Variants in AVEN observed in about 807,000 individuals in gnomAD.
AVEN encodes the protein apoptosis and caspase activation inhibitor.
A neutral mutation model predicts 38.1 loss-of-function variants in AVEN; 41 were observed. The ratio of observed to expected loss-of-function variants is 1.08; its 90% CI spans 0.84 to 1.40. AVEN has a LOEUF of 1.40. Ranked by LOEUF, AVEN falls within the 40% of genes most tolerant of loss-of-function variation. The pLI is 0.00. For synonymous variants in AVEN, 206 were observed against 171.8 expected (o/e 1.20, Z -1.56); for missense variants, 605 against 438.8 (o/e 1.38, Z -3.38).
At chr15:34,062,839 G>T in intron 5 of AVEN, 1 of 1,614,226 alleles carries the variant, frequency 6.2e-7, no homozygotes, top group Non-Finnish European at 8.5e-7. Context: ...GCTGTGGTAA[G>T]CCTGATCACC....
At chr15:33,853,664 C>T in the AVEN span, 18 of 1,613,642 alleles carry the variant, frequency 1.1e-5, no homozygotes, top group South Asian at 3.3e-5. Flanking sequence ...AAAGCAGAAG[C>T]GGCTTCTCTG....
At chr15:33,931,659 G>A (rs1161331997) in intron 2 of AVEN, among the ~76,000 whole-genome samples, 7 of 152,070 alleles carry the variant, frequency 4.6e-5, no homozygotes, top group Non-Finnish European at 7.4e-5. Flanking sequence ...GTGAGCCACC[G>A]CGCCCGGCCT....
rs1377087382 is a variant in AVEN at position 33,908,344 on chromosome 15, G to A, written c.446-32349C>T. On this transcript the variant is annotated intron_variant, in intron 2 of 5. Coordinates refer to ENST00000306730, the MANE Select transcript of AVEN (RefSeq NM_020371.3). ...AAGCCATCACCTTTGTGTTATGACA[G>A]TTTTCTTCCTTACTACAAGCATTAT... 6.5e-5 allele frequency among the ~76,000 whole-genome samples: 3 copies of A among 46,444 alleles called. 1 individual carries two copies. In the East Asian group the frequency reaches 2.3e-3, roughly 36 times the overall value. 30.5% of individuals were successfully genotyped at this position (46,444 alleles called of 152,430 possible).
At chr15:33,940,937 T>G (rs144763558) in intron 2 of AVEN, among the ~76,000 whole-genome samples, 194 of 152,338 alleles carry the variant, frequency 1.3e-3, no homozygotes, top group Admixed American at 2.3e-3. Context: ...TTGCTCTAAA[T>G]GCTTCCTAAT....
At chr15:33,968,358 TATC>T (rs1280385971) in intron 2 of AVEN, among the ~76,000 whole-genome samples, 4 of 152,046 alleles carry the variant, frequency 2.6e-5, no homozygotes, top group African/African-American at 2.4e-5. Context: ...TCAAAACGAA[TATC>T]ATCATCTGCT....
chr15:33,966,788 T>C (rs778305810), intron 2 of AVEN, among the ~76,000 whole-genome samples: 4 of 152,164 alleles, frequency 2.6e-5, no homozygotes, highest in Non-Finnish European at 4.4e-5. Context: ...GACAGCCAAA[T>C]GTTATGCTTT....
intron 2 of AVEN, among the ~76,000 whole-genome samples, chr15:33,990,381 GA>G (rs907528236): frequency 1.2e-3 from 176 of 147,028 alleles, no homozygotes; most frequent in African/African-American, 3.9e-3. Flanking sequence ...GACCCTGTCT[GA>G]AAAAAAAAAG....
intron 1 of AVEN, among the ~76,000 whole-genome samples, chr15:34,023,809 G>A (rs1238439398): frequency 6.6e-6 from 1 of 152,190 alleles, no homozygotes; most frequent in African/African-American, 2.4e-5. Context: ...CCTTCAGGCT[G>A]TGAAGGGCAT....
chr15:34,013,994 C>A (rs1413375596), intron 1 of AVEN, among the ~76,000 whole-genome samples: 1 of 152,098 alleles, frequency 6.6e-6, no homozygotes, highest in Non-Finnish European at 1.5e-5. Flanking sequence ...TAGCAAAGAA[C>A]GTGCTTCTAA....
At chr15:33,852,979 C>T in the AVEN span, 12 of 1,385,274 alleles carry the variant, frequency 8.7e-6, no homozygotes, top group Admixed American at 7.9e-5. Context: ...CAAACTGAAA[C>T]GTTTCTTGAT....
At chr15:33,859,197 G>T (rs2080068699) in intron 11 of AVEN, 1 of 177,102 alleles carries the variant, frequency 5.6e-6, no homozygotes, top group Non-Finnish European at 1.2e-5. Context: ...AGAAGAGGGG[G>T]GACCTTTTTG....
Position 34,054,288 on chromosome 15 carries a change from G to A in AVEN, n.1637+8634C>T, listed in dbSNP as rs1021474525. Among the ~76,000 whole-genome samples the A allele has an allele frequency of 3.9e-5, 6 of 152,138 alleles. No homozygotes were observed. In the East Asian group the frequency reaches 7.7e-4, roughly 20 times the overall value. The stretch of plus-strand genomic sequence containing the variant: ...TGTGTGGCAATTCCTCAAAGTCCTA[G>A]AGGCAGACATACCATTTGACCTAGT... On this transcript the variant is annotated intron_variant and non_coding_transcript_variant, in intron 5 of 11. Coordinates refer to the AVEN transcript ENST00000675287.
intron 1 of AVEN, among the ~76,000 whole-genome samples, chr15:34,027,667 T>C (rs1484394591): frequency 1.3e-5 from 2 of 152,130 alleles, no homozygotes; most frequent in South Asian, 2.1e-4. Context: ...TTGACCTCCC[T>C]GACAGCTCTG....
chr15:33,933,528 G>C (rs1965690), intron 2 of AVEN, among the ~76,000 whole-genome samples: 4,089 of 38,844 alleles, frequency 0.11, 43 homozygotes, highest in African/African-American at 0.18. Context: ...CACACACAGA[G>C]AGAGAGAGAG....
chr15:34,052,931 T>C (rs1899981395), intron 5 of AVEN, among the ~76,000 whole-genome samples: 1 of 152,118 alleles, frequency 6.6e-6, no homozygotes, highest in Admixed American at 6.6e-5. Flanking sequence ...CAAAGTAGTT[T>C]ATAGATTCAA....
intron 5 of AVEN, chr15:34,046,813 C>CG (rs1567487389): frequency 6.6e-6 from 1 of 152,376 alleles, no homozygotes; most frequent in East Asian, 1.9e-4. Flanking sequence ...GGTGGGGTGA[C>CG]GGCCCACCTG....
intron 1 of AVEN, among the ~76,000 whole-genome samples, chr15:34,034,015 G>A (rs1293804360): frequency 6.6e-6 from 1 of 152,146 alleles, no homozygotes; most frequent in Non-Finnish European, 1.5e-5. Context: ...TCAATCTCTT[G>A]ACCTTGTGAT....
chr15:34,072,716 T>C (rs1900652857), intron 1 of AVEN, among the ~76,000 whole-genome samples: 1 of 151,672 alleles, frequency 6.6e-6, no homozygotes, highest in South Asian at 2.1e-4. Context: ...TGGCCAGATC[T>C]TGGCTCACTG....
At chr15:33,854,469 A>G (rs759617959), downstream of AVEN, 4 of 1,548,650 alleles carry the variant, frequency 2.6e-6, no homozygotes, top group African/African-American at 5.5e-5. Context: ...GCACCTGGAA[A>G]AACAAAATTC....
Sources: gnomAD v4.1 joint callset for allele counts (sites outside exome capture counted in the v4.1 genomes callset) on GRCh38, gnomAD v4.1.1 for gene constraint, MANE v1.5 for transcripts, NCBI Gene and HGNC (gene_info 2026-07-23, HGNC 2026-07-21) for gene names.